SPOCK1: variants seen among roughly 807,000 people sequenced by gnomAD.
SPOCK1 encodes the protein SPARC (osteonectin), cwcv and kazal like domains proteoglycan 1.
Under a neutral mutation model 55.3 loss-of-function variants are expected in SPOCK1, and 23 were observed. That is an observed-to-expected ratio of 0.42 (90% CI 0.30 to 0.59). SPOCK1 has a LOEUF of 0.59. Among genes scored for constraint, SPOCK1 ranks in the 20% least tolerant of loss-of-function variants. SPOCK1 has a pLI of 0.22. For synonymous variants in SPOCK1, 226 were observed against 221.0 expected (o/e 1.02, Z -0.20); for missense variants, 499 against 552.5 (o/e 0.90, Z 0.97).
chr5:137,104,370 A>G (rs1753326364), intron 5 of SPOCK1, among the ~76,000 whole-genome samples: 1 of 152,318 alleles, frequency 6.6e-6, no homozygotes, highest in Non-Finnish European at 1.5e-5. Context: ...AGCCTACAGA[A>G]CCATAAGTCA....
At chr5:137,151,978 G>C (rs1431433902) in intron 3 of SPOCK1, among the ~76,000 whole-genome samples, 1 of 152,138 alleles carries the variant, frequency 6.6e-6, no homozygotes, top group Non-Finnish European at 1.5e-5. Flanking sequence ...CAATTAGAGC[G>C]GGTTCATTTC....
At chr5:137,385,970 C>A (rs1417307270) in intron 2 of SPOCK1, among the ~76,000 whole-genome samples, 1 of 152,174 alleles carries the variant, frequency 6.6e-6, no homozygotes. Context: ...ATGAGAATGG[C>A]CATACTCCAG....
At chr5:137,390,378 T>G (rs938410831) in intron 2 of SPOCK1, among the ~76,000 whole-genome samples, 1 of 152,200 alleles carries the variant, frequency 6.6e-6, no homozygotes, top group African/African-American at 2.4e-5. Flanking sequence ...ATATTTTTAA[T>G]GAAAAATTGC....
intron 3 of SPOCK1, among the ~76,000 whole-genome samples, chr5:137,142,309 T>C (rs1233147961): frequency 2.0e-5 from 3 of 152,198 alleles, no homozygotes; most frequent in Non-Finnish European, 4.4e-5. Context: ...ACATCACTGT[T>C]CCTCTCCTCC....
At chr5:137,332,687 A>G (rs1045925886) in intron 2 of SPOCK1, among the ~76,000 whole-genome samples, 6 of 152,246 alleles carry the variant, frequency 3.9e-5, no homozygotes, top group African/African-American at 1.4e-4. Context: ...ATACAGTGTC[A>G]TGCAAATAGA....
intron 3 of SPOCK1, among the ~76,000 whole-genome samples, chr5:137,190,312 A>G (rs949075030): frequency 6.6e-6 from 1 of 152,134 alleles, no homozygotes; most frequent in African/African-American, 2.4e-5. Context: ...TTGTTGTATT[A>G]TTTTTAAAAT....
intron 2 of SPOCK1, among the ~76,000 whole-genome samples, chr5:137,307,688 A>T (rs1757721561): frequency 6.6e-6 from 1 of 152,224 alleles, no homozygotes. Flanking sequence ...TCGGTGACTT[A>T]GAGAGCACAT....
chr5:137,011,950 T>A (rs1751358410), intron 6 of SPOCK1, among the ~76,000 whole-genome samples: 1 of 152,208 alleles, frequency 6.6e-6, no homozygotes, highest in Non-Finnish European at 1.5e-5. Flanking sequence ...AGAGTTGCCA[T>A]ATATTAAACA....
intron 2 of SPOCK1, among the ~76,000 whole-genome samples, chr5:137,343,270 C>G (rs911079029): frequency 1.3e-5 from 2 of 152,220 alleles, no homozygotes; most frequent in African/African-American, 4.8e-5. Context: ...ATGAGTTAGA[C>G]TGAGGTCAAA....
chr5:137,333,107 T>A (rs929843893), intron 2 of SPOCK1, among the ~76,000 whole-genome samples: 1 of 152,162 alleles, frequency 6.6e-6, no homozygotes, highest in Non-Finnish European at 1.5e-5. Context: ...AGTCTGTGGT[T>A]TTTATCACAT....
intron 3 of SPOCK1, among the ~76,000 whole-genome samples, chr5:137,233,326 C>T (rs1374569633): frequency 6.6e-6 from 1 of 152,152 alleles, no homozygotes; most frequent in Non-Finnish European, 1.5e-5. Context: ...TGATGAGAGA[C>T]AGTGACAGAT....
chr5:137,495,661 T>G (rs1240204950), intron 2 of SPOCK1, among the ~76,000 whole-genome samples: 1 of 152,248 alleles, frequency 6.6e-6, no homozygotes, highest in African/African-American at 2.4e-5. Context: ...TGAAAATGAT[T>G]AGGCTGGCTG....
intron 9 of SPOCK1, among the ~76,000 whole-genome samples, chr5:136,981,610 A>AATC (rs1352271735): frequency 6.6e-6 from 1 of 152,150 alleles, no homozygotes; most frequent in African/African-American, 2.4e-5. Context: ...GGGGTTTAGT[A>AATC]ATCTCATATT....
At chr5:137,291,951 C>G (rs1267369106) in intron 2 of SPOCK1, among the ~76,000 whole-genome samples, 1 of 152,126 alleles carries the variant, frequency 6.6e-6, no homozygotes, top group Non-Finnish European at 1.5e-5. Context: ...CTCCACATGG[C>G]CCTATTAGGA....
At chr5:137,418,239 A>C (rs1171455717) in intron 2 of SPOCK1, among the ~76,000 whole-genome samples, 1 of 152,064 alleles carries the variant, frequency 6.6e-6, no homozygotes, top group Non-Finnish European at 1.5e-5. Context: ...AGTCTTTGCT[A>C]TTGTGAATAG....
chr5:136,984,183 T>TG (rs2126959474), intron 9 of SPOCK1, among the ~76,000 whole-genome samples: 1 of 152,320 alleles, frequency 6.6e-6, no homozygotes, highest in South Asian at 2.1e-4. Flanking sequence ...CTGACAACTT[T>TG]GGGGAAGTCT....
At chr5:137,009,566 G>A (rs1423540235) in intron 6 of SPOCK1, among the ~76,000 whole-genome samples, 2 of 152,182 alleles carry the variant, frequency 1.3e-5, no homozygotes, top group Non-Finnish European at 2.9e-5. Flanking sequence ...CAAAGGCAGT[G>A]CAGGGTAGTA....
intron 5 of SPOCK1, among the ~76,000 whole-genome samples, chr5:137,069,512 C>T (rs1752569406): frequency 6.6e-6 from 1 of 152,202 alleles, no homozygotes; most frequent in Admixed American, 6.5e-5. Context: ...TGAGGCAGGA[C>T]ACATGTCTCC....
intron 2 of SPOCK1, among the ~76,000 whole-genome samples, chr5:137,287,003 G>C (rs920265139): frequency 6.6e-6 from 1 of 152,144 alleles, no homozygotes; most frequent in Non-Finnish European, 1.5e-5. Context: ...CTAATATCTT[G>C]ATGTTTATAT....
Sources: allele counts gnomAD v4.1 joint callset (sites outside exome capture counted in the v4.1 genomes callset), GRCh38; gene constraint gnomAD v4.1.1; transcripts MANE v1.5; gene names NCBI Gene and HGNC (gene_info 2026-07-23, HGNC 2026-07-21).